Variants in MYO1E observed in about 807,000 individuals in gnomAD.
MYO1E encodes unconventional myosin-Ie.
In MYO1E, 68 loss-of-function variants were observed where a neutral mutation model predicts 151.1. That is an observed-to-expected ratio of 0.45 (90% CI 0.37 to 0.55). The LOEUF (loss-of-function observed/expected upper bound fraction) is 0.55. Ranked by LOEUF, MYO1E falls within the 20% of genes least tolerant of loss-of-function variation. MYO1E has a pLI of 0.00. For synonymous variants in MYO1E, 601 were observed against 501.7 expected (o/e 1.20, Z -2.64); for missense variants, 1,363 against 1,389.3 (o/e 0.98, Z 0.30).
At chr15:59,277,143 C>G (rs1358495335) in intron 1 of MYO1E, among the ~76,000 whole-genome samples, 1 of 152,224 alleles carries the variant, frequency 6.6e-6, no homozygotes, top group Non-Finnish European at 1.5e-5. Flanking sequence ...AATACTCTTA[C>G]AAACTTCTAC....
At chr15:59,250,875 T>C (rs2140367175) in intron 4 of MYO1E, among the ~76,000 whole-genome samples, 1 of 152,278 alleles carries the variant, frequency 6.6e-6, no homozygotes, top group South Asian at 2.1e-4. Flanking sequence ...AACAAGGATC[T>C]GAAGTGGGCA....
rs989031444 is a variant in MYO1E, at chr15:59,208,902, A to G, written c.1363-54T>C. On this transcript the variant is annotated intron_variant, in intron 13 of 27. Transcript: ENST00000288235. ...GTCACTGACCTCTCCAAAACAGACA[A>G]TGCTTATCAGGTCCTTTCTTAGGCA... The G allele has an allele frequency of 1.3e-4, 204 of 1,604,236 alleles. No individual in the cohort carries two copies. In the Admixed American group the frequency reaches 3.3e-3, roughly 26 times the overall value.
chr15:59,235,726 G>GT (rs1360658697), intron 5 of MYO1E, among the ~76,000 whole-genome samples: 1 of 152,162 alleles, frequency 6.6e-6, no homozygotes, highest in Non-Finnish European at 1.5e-5. Flanking sequence ...GCATACATGT[G>GT]TAAGTTTAAC....
intron 18 of MYO1E, among the ~76,000 whole-genome samples, chr15:59,186,792 T>A (rs2079701178): frequency 1.3e-5 from 2 of 152,204 alleles, no homozygotes; most frequent in Non-Finnish European, 2.9e-5. Flanking sequence ...TTCTTTTTTG[T>A]TTCCCTATTC....
intron 26 of MYO1E, among the ~76,000 whole-genome samples, chr15:59,140,983 C>A (rs2079405439): frequency 6.6e-6 from 1 of 152,216 alleles, no homozygotes; most frequent in South Asian, 2.1e-4. Flanking sequence ...CTGGAAATCC[C>A]CATTCCCTGT....
At chr15:59,297,167 G>C (rs4486826) in intron 1 of MYO1E, among the ~76,000 whole-genome samples, 1 of 151,288 alleles carries the variant, frequency 6.6e-6, no homozygotes, top group Non-Finnish European at 1.5e-5. Flanking sequence ...ATTTAACATC[G>C]ATAGAATACT....
Position 59,163,260 on chromosome 15 carries a change from C to A in MYO1E, c.2524G>T (p.Asp842Tyr). 1 of 1,613,784 alleles carries A rather than the reference C, an allele frequency of 6.2e-7. No individual in the cohort carries two copies. The highest frequency in any genetic ancestry group is 1.1e-5 in the South Asian group (1 of 91,074). The change falls in exon 23 of 28, where the codon GAC (aspartate) becomes TAC (tyrosine). Residue 842 changes from aspartate (D) to tyrosine (Y), a missense_variant. Physicochemically the swap from Asp to Tyr is radical, Grantham distance 160. Transcript: ENST00000288235. ...TTGAAGACAGATTCAAGCAAACTGT[C>A]ATACTCTTGCTCATGGAGAATAAAA... ...DIFILHEQEY[D>Y]SLLESVFKTE...
At chr15:59,144,056 T>G (rs1361259020) in intron 26 of MYO1E, among the ~76,000 whole-genome samples, 1 of 152,178 alleles carries the variant, frequency 6.6e-6, no homozygotes, top group Non-Finnish European at 1.5e-5. Context: ...GAGGGGGACG[T>G]GGGCTTGAGT....
chr15:59,325,548 T>C (rs2080658421), intron 1 of MYO1E, among the ~76,000 whole-genome samples: 1 of 152,192 alleles, frequency 6.6e-6, no homozygotes, highest in Admixed American at 6.5e-5. Context: ...GATAGTGCAA[T>C]CCAATAACAC....
Position 59,214,725 on chromosome 15 carries a change from AG to A in MYO1E, c.1108-6del. 6.2e-7 allele frequency: 1 copy of A among 1,610,120 alleles called. No individual in the cohort carries two copies. The highest frequency in any genetic ancestry group is 8.5e-7 in the Non-Finnish European group (1 of 1,176,380). Reference sequence around the variant, plus strand: ...CTCCATGGCTTTATTGATGGACTAGAGAAAGTAAACAGCATGGCAGTGAACT... The same window carrying A: ...CTCCATGGCTTTATTGATGGACTAGAAAAGTAAACAGCATGGCAGTGAACT... On this transcript the variant is annotated splice_region_variant and splice_polypyrimidine_tract_variant and intron_variant, in intron 10 of 27. Transcript: ENST00000288235.
At chr15:59,274,700 C>T (rs1444740214) in intron 1 of MYO1E, among the ~76,000 whole-genome samples, 3 of 152,164 alleles carry the variant, frequency 2.0e-5, no homozygotes, top group Admixed American at 2.0e-4. Flanking sequence ...CCTAGCGTAA[C>T]CCAAGTTTGT....
chr15:59,322,996 C>T (rs1439196234), intron 1 of MYO1E, among the ~76,000 whole-genome samples: 1 of 125,696 alleles, frequency 8.0e-6, no homozygotes, highest in African/African-American at 3.6e-5. Flanking sequence ...TCCGTCTCTA[C>T]TAAAAATACA....
At chr15:59,372,246 G>A (rs547221690) in intron 1 of MYO1E, among the ~76,000 whole-genome samples, 2 of 152,236 alleles carry the variant, frequency 1.3e-5, no homozygotes, top group African/African-American at 4.8e-5. Flanking sequence ...GGCAGCCATA[G>A]CAACCCGGCC....
intron 1 of MYO1E, among the ~76,000 whole-genome samples, chr15:59,325,539 A>C (rs2080658288): frequency 6.6e-6 from 1 of 152,218 alleles, no homozygotes; most frequent in Non-Finnish European, 1.5e-5. Flanking sequence ...ATGGAGTTTG[A>C]TAGTGCAATC....
intron 19 of MYO1E, among the ~76,000 whole-genome samples, chr15:59,175,871 G>C (rs1427016333): frequency 6.6e-6 from 1 of 151,974 alleles, no homozygotes; most frequent in Non-Finnish European, 1.5e-5. Flanking sequence ...AGCCCAGGGG[G>C]TTAGAAATTA....
intron 26 of MYO1E, among the ~76,000 whole-genome samples, chr15:59,139,483 G>C (rs1273168639): frequency 4.9e-5 from 6 of 121,726 alleles, no homozygotes; most frequent in African/African-American, 2.2e-4. Context: ...TTACTCTGCA[G>C]ACTTCTTTCC....
chr15:59,188,274 C>A, intron 17 of MYO1E, 58 bp from the exon 18 acceptor site: 1 of 1,406,552 alleles, frequency 7.1e-7, no homozygotes, highest in South Asian at 1.2e-5. Flanking sequence ...CACTCGTGTT[C>A]TTACCAGCCA....
chr15:59,327,854 A>C (rs1462122959), intron 1 of MYO1E, among the ~76,000 whole-genome samples: 9 of 152,186 alleles, frequency 5.9e-5, no homozygotes, highest in African/African-American at 2.2e-4. Flanking sequence ...GGATGGAGTG[A>C]AGTTAAGGAA....
At chr15:59,280,616 C>A (rs2080347689) in intron 1 of MYO1E, among the ~76,000 whole-genome samples, 1 of 142,982 alleles carries the variant, frequency 7.0e-6, no homozygotes, top group South Asian at 2.1e-4. Flanking sequence ...GAGCGAAAGT[C>A]CATCTCAAAA....
Sources: gnomAD v4.1 joint callset for allele counts (sites outside exome capture counted in the v4.1 genomes callset) on GRCh38, gnomAD v4.1.1 for gene constraint, MANE v1.5 for transcripts, NCBI Gene and HGNC (gene_info 2026-07-23, HGNC 2026-07-21) for gene names.